PDE1C: variants seen among roughly 807,000 people sequenced by gnomAD.
The protein encoded by PDE1C is dual specificity calcium/calmodulin-dependent 3',5'-cyclic nucleotide phosphodiesterase 1C.
A neutral mutation model predicts 93.1 loss-of-function variants in PDE1C; 62 were observed. The ratio of observed to expected loss-of-function variants is 0.67; its 90% CI spans 0.54 to 0.82. The LOEUF (loss-of-function observed/expected upper bound fraction) is 0.82, where lower values mean the gene tolerates loss of function less well. Among genes scored for constraint, PDE1C ranks in the 40% least tolerant of loss-of-function variants. The probability of loss-of-function intolerance (pLI) is 0.00; values close to 1 mark genes in which losing one functional copy is unlikely to be tolerated. For synonymous variants in PDE1C, 325 were observed against 310.1 expected (o/e 1.05, Z -0.50); for missense variants, 742 against 884.6 (o/e 0.84, Z 2.04).
intron 10 of PDE1C, 89 bp from the exon 11 acceptor site, chr7:31,837,389 C>G (rs1791255248): frequency 7.9e-7 from 1 of 1,263,626 alleles, no homozygotes; most frequent in Non-Finnish European, 1.1e-6. Context: ...TTTTTAATCT[C>G]TTTTGTTCTT....
chr7:32,094,699 C>A (rs574594097), intron 3 of PDE1C, among the ~76,000 whole-genome samples: 58 of 152,330 alleles, frequency 3.8e-4, no homozygotes, highest in African/African-American at 1.3e-3. Context: ...GTCCATTCAG[C>A]AGTGAGTTCG....
intron 2 of PDE1C, among the ~76,000 whole-genome samples, chr7:31,915,021 C>A (rs1055786137): frequency 1.6e-4 from 24 of 152,202 alleles, no homozygotes; most frequent in African/African-American, 5.5e-4. Context: ...GAACACACCG[C>A]CTGATGTAAA....
intron 2 of PDE1C, among the ~76,000 whole-genome samples, chr7:31,930,328 G>A (rs1384557071): frequency 6.6e-6 from 1 of 152,082 alleles, no homozygotes; most frequent in African/African-American, 2.4e-5. Flanking sequence ...TCCACCAGAG[G>A]TACAAAGAGG....
chr7:31,667,010 CT>C, the PDE1C span, among the ~76,000 whole-genome samples: 1 of 152,084 alleles, frequency 6.6e-6, no homozygotes, highest in African/African-American at 2.4e-5. Flanking sequence ...GGAAAGACCC[CT>C]GTTCTATTAG....
chr7:31,769,813 A>G (rs905995021), intron 17 of PDE1C, among the ~76,000 whole-genome samples: 1 of 152,118 alleles, frequency 6.6e-6, no homozygotes, highest in Non-Finnish European at 1.5e-5. Flanking sequence ...TTCTGTCTCT[A>G]TGGATTAGCC....
intron 1 of PDE1C, among the ~76,000 whole-genome samples, chr7:32,424,187 G>A (rs1176461107): frequency 2.0e-5 from 3 of 152,160 alleles, no homozygotes; most frequent in East Asian, 1.9e-4. Context: ...GTCCCCACAC[G>A]GGCTTTGGTA....
intron 7 of PDE1C, among the ~76,000 whole-genome samples, chr7:31,856,321 G>T (rs73686989): frequency 6.6e-6 from 1 of 152,222 alleles, no homozygotes; most frequent in Admixed American, 6.5e-5. Flanking sequence ...TTCAAAGAGA[G>T]AGTAGGTAGG....
chr7:31,658,417 A>T, the PDE1C span: 1 of 1,482,198 alleles, frequency 6.7e-7, no homozygotes, highest in Non-Finnish European at 8.9e-7. Flanking sequence ...TGAGAAAATA[A>T]TCAGTTTCCA....
chr7:31,635,226 A>G, the PDE1C span, among the ~76,000 whole-genome samples: 14 of 152,314 alleles, frequency 9.2e-5, no homozygotes, highest in African/African-American at 3.1e-4. Context: ...AATATTTAGA[A>G]TTTGGAAATC....
chr7:31,770,775 G>A (rs182320087), intron 17 of PDE1C, among the ~76,000 whole-genome samples: 49 of 152,288 alleles, frequency 3.2e-4, no homozygotes, highest in South Asian at 8.3e-4. Context: ...CTCCAAAAGT[G>A]CATGAGCCAC....
At chr7:31,642,617 C>T in the PDE1C span, 2 of 1,419,878 alleles carry the variant, frequency 1.4e-6, no homozygotes, top group Non-Finnish European at 1.9e-6. Flanking sequence ...AAGAAAATCT[C>T]ACCTTAAACC....
intron 16 of PDE1C, among the ~76,000 whole-genome samples, chr7:31,798,417 C>T (rs1015119032): frequency 2.0e-5 from 3 of 151,608 alleles, no homozygotes; most frequent in African/African-American, 7.3e-5. Context: ...CAAATGAGAC[C>T]ATTCTTATAT....
the PDE1C span, among the ~76,000 whole-genome samples, chr7:31,649,697 G>C: frequency 6.6e-6 from 1 of 152,162 alleles, no homozygotes; most frequent in African/African-American, 2.4e-5. Context: ...AATGGTTAGT[G>C]GCCCTGGAGT....
intron 1 of PDE1C, among the ~76,000 whole-genome samples, chr7:32,290,358 G>A (rs1334924904): frequency 6.6e-6 from 1 of 152,198 alleles, no homozygotes; most frequent in Non-Finnish European, 1.5e-5. Context: ...CACAGTCCAG[G>A]GAAGCAGCTG....
At chr7:31,682,431 T>G in the PDE1C span, among the ~76,000 whole-genome samples, 1 of 152,198 alleles carries the variant, frequency 6.6e-6, no homozygotes, top group Non-Finnish European at 1.5e-5. Context: ...GAGATATTAC[T>G]TCACACCTAT....
chr7:31,819,818 G>A (rs1396047313), intron 14 of PDE1C, among the ~76,000 whole-genome samples: 2 of 151,980 alleles, frequency 1.3e-5, no homozygotes, highest in African/African-American at 4.8e-5. Context: ...TTTCTGAAAT[G>A]CCTACTTAAA....
intron 1 of PDE1C, among the ~76,000 whole-genome samples, chr7:32,368,622 T>C (rs1784268333): frequency 1.3e-5 from 2 of 152,138 alleles, no homozygotes; most frequent in Non-Finnish European, 2.9e-5. Flanking sequence ...AAAATACCAA[T>C]AACATTCCTC....
chr7:31,637,683 G>A, the PDE1C span, among the ~76,000 whole-genome samples: 1 of 152,120 alleles, frequency 6.6e-6, no homozygotes, highest in Non-Finnish European at 1.5e-5. Context: ...CCATTCTGTA[G>A]GTTGCTTGTT....
intron 1 of PDE1C, among the ~76,000 whole-genome samples, chr7:32,413,302 C>T (rs1011328954): frequency 3.3e-5 from 5 of 152,094 alleles, no homozygotes; most frequent in Non-Finnish European, 7.4e-5. Context: ...TGTTAATGGT[C>T]GTATCTGAGT....
Sources: allele counts gnomAD v4.1 joint callset (sites outside exome capture counted in the v4.1 genomes callset), GRCh38; gene constraint gnomAD v4.1.1; transcripts MANE v1.5; gene names NCBI Gene and HGNC (gene_info 2026-07-23, HGNC 2026-07-21).